The following CADPS2 variants were observed in gnomAD, a reference collection of about 807,000 sequenced individuals.
CADPS2 encodes the protein calcium dependent secretion activator 2.
In CADPS2, 93 loss-of-function variants were observed where a neutral mutation model predicts 172.5. That is an observed-to-expected ratio of 0.54 (90% CI 0.46 to 0.64). The LOEUF (loss-of-function observed/expected upper bound fraction) is 0.64. Ranked by LOEUF, CADPS2 falls within the 30% of genes least tolerant of loss-of-function variation. CADPS2 has a pLI of 0.00. For missense variants in CADPS2, 1,420 were observed against 1,565.9 expected, an observed-to-expected ratio of 0.91 and a Z score of 1.57; for synonymous variants, 546 against 555.2, an observed-to-expected ratio of 0.98 and a Z score of 0.23.
chr7:122,683,877 T>C (rs2083338874), intron 2 of CADPS2, among the ~76,000 whole-genome samples: 1 of 152,134 alleles, frequency 6.6e-6, no homozygotes, highest in South Asian at 2.1e-4. Context: ...TATATGAGGT[T>C]CACTGTGTCT....
intron 8 of CADPS2, among the ~76,000 whole-genome samples, chr7:122,551,305 T>A (rs1018086943): frequency 1.3e-5 from 2 of 152,078 alleles, no homozygotes; most frequent in African/African-American, 4.8e-5. Flanking sequence ...TTTCCCTTAA[T>A]ACTCTAGGGA....
intron 3 of CADPS2, among the ~76,000 whole-genome samples, chr7:122,653,661 A>G (rs2079424077): frequency 6.6e-6 from 1 of 152,078 alleles, no homozygotes; most frequent in African/African-American, 2.4e-5. Context: ...TATAGGTGCT[A>G]TTTTTCCAAC....
intron 3 of CADPS2, among the ~76,000 whole-genome samples, chr7:122,647,791 CAAAT>C (rs370389120): frequency 2.0e-5 from 3 of 151,974 alleles, no homozygotes; most frequent in African/African-American, 4.8e-5. Flanking sequence ...CTAATCAGAA[CAAAT>C]AAACAATTAA....
chr7:122,417,084 G>A (rs1455628738), intron 17 of CADPS2, among the ~76,000 whole-genome samples: 1 of 152,048 alleles, frequency 6.6e-6, no homozygotes, highest in East Asian at 1.9e-4. Context: ...AACTTAAAGG[G>A]CATTTTTTTT....
chr7:122,410,284 C>T (rs2047142893), intron 19 of CADPS2, among the ~76,000 whole-genome samples: 1 of 151,960 alleles, frequency 6.6e-6, no homozygotes, highest in African/African-American at 2.4e-5. Flanking sequence ...GTGAAGGTTG[C>T]AGTAAGCCAA....
intron 23 of CADPS2, among the ~76,000 whole-genome samples, chr7:122,387,908 T>C (rs1456420223): frequency 6.6e-6 from 1 of 152,088 alleles, no homozygotes; most frequent in Non-Finnish European, 1.5e-5. Context: ...AATATCCAAT[T>C]GGTCTAACCA....
At chr7:122,772,268 T>C (rs1339345991) in intron 1 of CADPS2, among the ~76,000 whole-genome samples, 2 of 152,216 alleles carry the variant, frequency 1.3e-5, no homozygotes, top group Admixed American at 6.5e-5. Flanking sequence ...TCCACTAAGA[T>C]TGTCATATTT....
chr7:122,643,857 G>A (rs1214802689), intron 3 of CADPS2, among the ~76,000 whole-genome samples: 7 of 152,240 alleles, frequency 4.6e-5, no homozygotes, highest in Admixed American at 1.3e-4. Context: ...TTAGGAGGCC[G>A]AGGTGGGTAG....
chr7:122,704,329 C>T (rs979120941), intron 2 of CADPS2, among the ~76,000 whole-genome samples: 1 of 151,752 alleles, frequency 6.6e-6, no homozygotes. Context: ...TCAGGTAACA[C>T]CTGAACTGTC....
chr7:122,724,952 T>A (rs1003405003), intron 2 of CADPS2, among the ~76,000 whole-genome samples: 7 of 152,056 alleles, frequency 4.6e-5, no homozygotes, highest in African/African-American at 1.7e-4. Context: ...GAAATAGTTA[T>A]AAAATTATTT....
chr7:122,508,449 GTTTT>G (rs1205155217), intron 9 of CADPS2, among the ~76,000 whole-genome samples: 32 of 68,408 alleles, frequency 4.7e-4, no homozygotes, highest in African/African-American at 6.1e-4. Flanking sequence ...ATTCATTTAA[GTTTT>G]TTTTTTTTTT....
At chr7:122,525,691 G>A (rs1488261249) in intron 8 of CADPS2, among the ~76,000 whole-genome samples, 3 of 152,100 alleles carry the variant, frequency 2.0e-5, no homozygotes, top group Non-Finnish European at 2.9e-5. Context: ...GTAGACTTAC[G>A]TAAACCCAGA....
intron 3 of CADPS2, among the ~76,000 whole-genome samples, chr7:122,633,748 G>A (rs1157251967): frequency 2.0e-5 from 3 of 152,098 alleles, no homozygotes; most frequent in Non-Finnish European, 4.4e-5. Context: ...GGAGTGGTGC[G>A]AGTGGACATT....
Position 122,656,858 on chromosome 7 carries a change from G to C in CADPS2, c.786+6379C>G, listed in dbSNP as rs1006698886. ...TTGGCTTTTGACGCCATTGCTTCTG[G>C]TGTTTTAGACATGAAGTCCTTGCCC... On this transcript the variant is annotated intron_variant, in intron 3 of 29. Coordinates refer to ENST00000449022, the MANE Select transcript of CADPS2 (RefSeq NM_017954.11). 2.6e-5 allele frequency among the ~76,000 whole-genome samples: 4 copies of C among 152,164 alleles called. No individual in the cohort carries two copies. In the East Asian group the frequency reaches 7.7e-4, roughly 29 times the overall value.
intron 29 of CADPS2, 94 bp downstream of exon 29, chr7:122,325,383 A>G (rs17369598): frequency 0.21 from 152,965 of 727,242 alleles, 18,264 homozygotes; most frequent in Non-Finnish European, 0.26. Context: ...GATACTTTTT[A>G]GTTACATCAA....
intron 1 of CADPS2, among the ~76,000 whole-genome samples, chr7:122,765,019 T>C (rs964017235): frequency 1.3e-5 from 2 of 152,172 alleles, no homozygotes; most frequent in African/African-American, 4.8e-5. Context: ...GTAGGTGCAC[T>C]TTCTGAAACA....
At chr7:122,646,825 AG>A (rs2078612688) in intron 3 of CADPS2, among the ~76,000 whole-genome samples, 1 of 152,166 alleles carries the variant, frequency 6.6e-6, no homozygotes, top group African/African-American at 2.4e-5. Flanking sequence ...AGGAGAAAGT[AG>A]GTAAGAGATT....
At chr7:122,460,329 G>A (rs552149154) in intron 14 of CADPS2, among the ~76,000 whole-genome samples, 1 of 151,982 alleles carries the variant, frequency 6.6e-6, no homozygotes, top group South Asian at 2.1e-4. Flanking sequence ...CAACATGGCT[G>A]TCTTGGTGGT....
intron 1 of CADPS2, among the ~76,000 whole-genome samples, chr7:122,857,891 T>C (rs1815755893): frequency 6.6e-6 from 1 of 152,184 alleles, no homozygotes; most frequent in African/African-American, 2.4e-5. Flanking sequence ...TGCAGTGGGT[T>C]CGTGGTCTTG....
Sources: gnomAD v4.1 joint callset for allele counts (sites outside exome capture counted in the v4.1 genomes callset) on GRCh38, gnomAD v4.1.1 for gene constraint, MANE v1.5 for transcripts, NCBI Gene and HGNC (gene_info 2026-07-23, HGNC 2026-07-21) for gene names.